The following SLIT2 variants were observed in gnomAD, a reference collection of about 807,000 sequenced individuals.
The protein encoded by SLIT2 is slit guidance ligand 2.
SLIT2 carries 41 observed loss-of-function variants against 185.7 expected under a neutral mutation model. The ratio of observed to expected loss-of-function variants is 0.22; its 90% CI spans 0.17 to 0.29. The LOEUF (loss-of-function observed/expected upper bound fraction) is 0.29, where lower values mean the gene tolerates loss of function less well. Among genes scored for constraint, SLIT2 ranks in the 10% least tolerant of loss-of-function variants. The pLI is 1.00. For synonymous variants in SLIT2, 693 were observed against 680.2 expected (o/e 1.02, Z -0.29); for missense variants, 1,571 against 1,909.0 (o/e 0.82, Z 3.30).
At chr4:20,572,950 G>T (rs1239988665) in intron 29 of SLIT2, among the ~76,000 whole-genome samples, 2 of 152,168 alleles carry the variant, frequency 1.3e-5, no homozygotes, top group Non-Finnish European at 2.9e-5. Context: ...TGACGCCCAT[G>T]CACAAGCCAT....
chr4:20,362,723 A>G (rs1722836844), intron 4 of SLIT2, among the ~76,000 whole-genome samples: 2 of 152,128 alleles, frequency 1.3e-5, no homozygotes, highest in Admixed American at 1.3e-4. Flanking sequence ...ATTAAAACAA[A>G]CGCACAAACA....
intron 4 of SLIT2, among the ~76,000 whole-genome samples, chr4:20,373,769 A>G (rs1247022298): frequency 6.6e-6 from 1 of 152,100 alleles, no homozygotes; most frequent in Non-Finnish European, 1.5e-5. Flanking sequence ...ACTGGTAGAA[A>G]CATACAATTC....
chr4:20,558,214 G>T (rs974321548), intron 26 of SLIT2, among the ~76,000 whole-genome samples: 1 of 152,032 alleles, frequency 6.6e-6, no homozygotes, highest in South Asian at 2.1e-4. Context: ...TGGATAAAAG[G>T]CTATCAAACA....
intron 19 of SLIT2, among the ~76,000 whole-genome samples, chr4:20,539,810 T>C (rs1722641594): frequency 6.6e-6 from 1 of 152,218 alleles, no homozygotes; most frequent in Non-Finnish European, 1.5e-5. Context: ...GTGAATTATT[T>C]TTCATAGTGA....
At chr4:20,432,005 G>A (rs954805731) in intron 4 of SLIT2, among the ~76,000 whole-genome samples, 2 of 151,050 alleles carry the variant, frequency 1.3e-5, no homozygotes, top group Non-Finnish European at 3.0e-5. Flanking sequence ...CACTCTCTGT[G>A]TGTGTGTGTG....
intron 29 of SLIT2, among the ~76,000 whole-genome samples, chr4:20,583,212 TTTGTTG>T (rs569814986): frequency 1.2e-4 from 18 of 152,076 alleles, no homozygotes; most frequent in Non-Finnish European, 2.5e-4. Context: ...ATAGGAATAG[TTTGTTG>T]TTGTTGTTGT....
In SLIT2 at chr4:20,486,267, A is replaced by G. The variant is rs1313864018; in HGVS notation, c.607A>G (p.Thr203Ala). The change falls in exon 7 of 37, where the codon ACT becomes GCT. Residue 203 changes from threonine (T) to alanine (A), a missense_variant. Thr to Ala is a moderately conservative substitution (Grantham distance 58, BLOSUM62 0). Around this residue, in one of 3 missense-constraint regions of SLIT2, gnomAD observed 1,202 missense variants for 1,416.4 expected, o/e 0.85. Transcript: ENST00000504154. ...ASFNHMPKLR[T>A]FRLHSNNLYC... ...TTTCAACCATATGCCTAAACTTAGG[A>G]CTTTGTAAGTAGTCACAATATATGT... The G allele has an allele frequency of 6.4e-7, 1 of 1,558,302 alleles. No individual in the cohort carries two copies. The highest frequency in any genetic ancestry group is 1.7e-5 in the Admixed American group (1 of 59,820).
intron 6 of SLIT2, among the ~76,000 whole-genome samples, chr4:20,485,409 C>CAAT (rs1022851036): frequency 6.6e-6 from 1 of 151,838 alleles, no homozygotes; most frequent in Non-Finnish European, 1.5e-5. Context: ...TAGTAATAAT[C>CAAT]AATAATAATA....
At chr4:20,504,526 C>G (rs960474185) in intron 9 of SLIT2, among the ~76,000 whole-genome samples, 1 of 152,102 alleles carries the variant, frequency 6.6e-6, no homozygotes, top group Admixed American at 6.6e-5. Flanking sequence ...TCCTGTTGAT[C>G]ACAGAGATTG....
chr4:20,375,118 G>T (rs1335474324), intron 4 of SLIT2, among the ~76,000 whole-genome samples: 3 of 151,908 alleles, frequency 2.0e-5, no homozygotes, highest in Non-Finnish European at 4.4e-5. Flanking sequence ...CAATTAGTAT[G>T]GTTTTTAAAA....
At chr4:20,588,273 T>C (rs920296263) in intron 29 of SLIT2, among the ~76,000 whole-genome samples, 9 of 152,210 alleles carry the variant, frequency 5.9e-5, no homozygotes, top group African/African-American at 2.2e-4. Flanking sequence ...ATACACCAGA[T>C]TGATGTAATA....
intron 4 of SLIT2, among the ~76,000 whole-genome samples, chr4:20,388,840 T>A (rs1725156306): frequency 6.9e-6 from 1 of 145,282 alleles, no homozygotes; most frequent in East Asian, 2.0e-4. Flanking sequence ...ATATAATATA[T>A]ATAAAATATG....
At chr4:20,263,962 T>C (rs1463861890) in intron 3 of SLIT2, among the ~76,000 whole-genome samples, 2 of 151,976 alleles carry the variant, frequency 1.3e-5, no homozygotes, top group East Asian at 3.9e-4. Flanking sequence ...TAACGTAGTA[T>C]ATGGTCAACT....
intron 4 of SLIT2, among the ~76,000 whole-genome samples, chr4:20,404,001 A>G (rs1726567042): frequency 1.3e-5 from 2 of 151,980 alleles, no homozygotes; most frequent in Non-Finnish European, 2.9e-5. Flanking sequence ...GCCTCAATAA[A>G]GATGAATTAT....
At chr4:20,542,341 G>T (rs867951464) in intron 20 of SLIT2, among the ~76,000 whole-genome samples, 153 bp from the exon 21 acceptor site, 1 of 152,038 alleles carries the variant, frequency 6.6e-6, no homozygotes, top group Non-Finnish European at 1.5e-5. Flanking sequence ...TAGAACTTAC[G>T]GTATCAATTA....
chr4:20,338,440 C>T (rs1168127634), intron 4 of SLIT2, among the ~76,000 whole-genome samples: 1 of 152,096 alleles, frequency 6.6e-6, no homozygotes, highest in African/African-American at 2.4e-5. Context: ...AGCTTTGAAG[C>T]AGGGTATTCC....
At chr4:20,389,912 C>A (rs557082193) in intron 4 of SLIT2, among the ~76,000 whole-genome samples, 1 of 152,134 alleles carries the variant, frequency 6.6e-6, no homozygotes, top group South Asian at 2.1e-4. Flanking sequence ...CTGCTTGTGA[C>A]CTTGGTTTTC....
intron 35 of SLIT2, 103 bp from the exon 36 acceptor site, chr4:20,617,336 T>C (rs1027736764): frequency 4.4e-6 from 6 of 1,357,874 alleles, no homozygotes; most frequent in Admixed American, 1.9e-5. Flanking sequence ...TAGCACTCTG[T>C]CCCTCATATT....
At chr4:20,326,455 T>C (rs1373629423) in intron 4 of SLIT2, among the ~76,000 whole-genome samples, 1 of 152,020 alleles carries the variant, frequency 6.6e-6, no homozygotes, top group East Asian at 1.9e-4. Flanking sequence ...CCAAATCCCA[T>C]ATGGATTTCT....
Sources: allele counts gnomAD v4.1 joint callset (sites outside exome capture counted in the v4.1 genomes callset), GRCh38; gene constraint gnomAD v4.1.1; regional missense constraint gnomAD v4.1.1; transcripts MANE v1.5; gene names NCBI Gene and HGNC (gene_info 2026-07-23, HGNC 2026-07-21).